FNBP1: variants seen among roughly 807,000 people sequenced by gnomAD.
FNBP1 encodes formin binding protein 1, also known as formin-binding protein 1.
FNBP1 carries 26 observed loss-of-function variants against 90.6 expected under a neutral mutation model. That is an observed-to-expected ratio of 0.29 (90% confidence interval 0.21 to 0.40). The LOEUF (loss-of-function observed/expected upper bound fraction) is 0.40. FNBP1 is among the 10% of genes least tolerant of loss of function. The pLI is 1.00. For missense variants in FNBP1, 635 were observed against 768.0 expected (o/e 0.83, Z 2.05); for synonymous variants, 260 against 265.2 (o/e 0.98, Z 0.19).
chr9:129,898,852 G>C (rs893927848), intron 15 of FNBP1, among the ~76,000 whole-genome samples: 5 of 151,830 alleles, frequency 3.3e-5, no homozygotes, highest in Non-Finnish European at 5.9e-5. Flanking sequence ...CATACGACCT[G>C]CATCCCCCCA....
intron 1 of FNBP1, among the ~76,000 whole-genome samples, chr9:130,022,353 C>T (rs1296410414): frequency 6.6e-6 from 1 of 151,738 alleles, no homozygotes; most frequent in Admixed American, 6.6e-5. Context: ...TACAGGCACG[C>T]GCCAAGATGC....
In FNBP1 at chr9:129,944,377, C is replaced by T. The variant is rs560936798; in HGVS notation, c.513+12983G>A. Among the ~76,000 whole-genome samples, 8 of 151,896 alleles carry T rather than the reference C, an allele frequency of 5.3e-5. No individual in the cohort carries two copies. In the South Asian group the frequency reaches 1.5e-3, roughly 28 times the overall value. Reference sequence around the variant, plus strand: ...CCAACCTGGAGAAACCCTGTCTCTACTAAAAATACAAAAATTAGCTGGGCG... The same window carrying T: ...CCAACCTGGAGAAACCCTGTCTCTATTAAAAATACAAAAATTAGCTGGGCG... On this transcript the variant is annotated intron_variant, in intron 6 of 16. Coordinates refer to ENST00000446176, the MANE Select transcript of FNBP1 (RefSeq NM_015033.3).
At chr9:130,016,292 CTT>C (rs961463939) in intron 1 of FNBP1, among the ~76,000 whole-genome samples, 1 of 152,064 alleles carries the variant, frequency 6.6e-6, no homozygotes, top group African/African-American at 2.4e-5. Flanking sequence ...GATTAGTGCC[CTT>C]TTAATACTCC....
At position 130,031,715 on chromosome 9, in the gene FNBP1, G is replaced by A. The variant is rs934704361; in HGVS notation, c.24+11237C>T. The stretch of plus-strand genomic sequence containing the variant: ...CTCGCTCTGTTGCCCAGGCTGGAGT[G>A]CAGTGGCACAATCTCAGTTCACTGC... On this transcript the variant is annotated intron_variant, in intron 1 of 16. Coordinates refer to ENST00000446176, the MANE Select transcript of FNBP1 (RefSeq NM_015033.3). This position sits in a 1 kb window ranked among gnomAD's most constrained non-coding sequence, Gnocchi z 4.2. Among the ~76,000 whole-genome samples the A allele has an allele frequency of 6.6e-6, 1 of 151,982 alleles. No individual in the cohort carries two copies. Among genetic ancestry groups the A allele is most frequent in the African/African-American group, 2.4e-5 (1 of 41,364 alleles).
intron 2 of FNBP1, among the ~76,000 whole-genome samples, chr9:129,990,446 C>T (rs573657985): frequency 2.0e-4 from 30 of 152,068 alleles, no homozygotes; most frequent in African/African-American, 6.7e-4. Context: ...GAAGGGCTAG[C>T]GCAATAGCTC....
intron 1 of FNBP1, among the ~76,000 whole-genome samples, chr9:129,996,580 G>A (rs1189310417): frequency 6.6e-6 from 1 of 152,190 alleles, no homozygotes; most frequent in Admixed American, 6.6e-5. Flanking sequence ...TCAGTCATGA[G>A]GATCATGCGA....
chr9:129,888,193 A>C lies in FNBP1; in HGVS notation c.*2346T>G, dbSNP rs1044507103. On this transcript the variant is annotated 3_prime_UTR_variant, in exon 17 of 17. Transcript: ENST00000446176. Reference sequence around the variant, plus strand: ...CAAAGAGCAAATTACTGCAGCTTATATCTTTTCCACTATGTTGCAAGAAAT... The same window carrying C: ...CAAAGAGCAAATTACTGCAGCTTATCTCTTTTCCACTATGTTGCAAGAAAT... The C allele has an allele frequency of 3.4e-5, 8 of 232,818 alleles. No individual in the cohort carries two copies. The highest frequency in any genetic ancestry group is 1.8e-4 in the African/African-American group (8 of 45,334). The allele number at this position is 232,818 out of a possible 1,614,324, so 14.4% of individuals were successfully genotyped here.
chr9:129,964,374 G>A (rs2048267397), intron 4 of FNBP1, among the ~76,000 whole-genome samples: 1 of 152,134 alleles, frequency 6.6e-6, no homozygotes, highest in African/African-American at 2.4e-5. Context: ...CCAGAGAAAT[G>A]CTTCTTACTT....
At chr9:130,037,502 C>G (rs2059423878) in intron 1 of FNBP1, among the ~76,000 whole-genome samples, 1 of 152,048 alleles carries the variant, frequency 6.6e-6, no homozygotes, top group Non-Finnish European at 1.5e-5. Flanking sequence ...GATTAAAAAA[C>G]TAGTTTAAAA....
At chr9:129,981,046 G>A (rs1287861332) in intron 2 of FNBP1, among the ~76,000 whole-genome samples, 6 of 40,014 alleles carry the variant, frequency 1.5e-4, no homozygotes, top group East Asian at 1.8e-3. Flanking sequence ...GCGAGACTCC[G>A]TCTCAAAAAA....
At chr9:130,046,724 C>G (rs7869493), upstream of FNBP1, among the ~76,000 whole-genome samples, 8,337 of 147,626 alleles carry the variant, frequency 0.056, 276 homozygotes, top group Middle Eastern at 0.085. Flanking sequence ...GCTAAGATCG[C>G]GCCACTACAC....
At chr9:130,029,782 A>C (rs1431845332) in intron 1 of FNBP1, among the ~76,000 whole-genome samples, 1 of 151,920 alleles carries the variant, frequency 6.6e-6, no homozygotes, top group African/African-American at 2.4e-5. Flanking sequence ...TCAGGAGTTC[A>C]AGACCAGCCT....
chr9:129,968,761 C>T (rs1026315466), intron 4 of FNBP1, among the ~76,000 whole-genome samples: 5 of 152,166 alleles, frequency 3.3e-5, no homozygotes, highest in Non-Finnish European at 5.9e-5. Context: ...GGTTTATAAA[C>T]ATTTTAGTGA....
intron 1 of FNBP1, among the ~76,000 whole-genome samples, chr9:130,040,562 A>G (rs1589443525): frequency 6.6e-6 from 1 of 150,748 alleles, no homozygotes; most frequent in East Asian, 2.0e-4. Context: ...CAGAGGCTGC[A>G]GTGAGCCGAG....
rs576015094 is a variant in FNBP1 at position 129,925,589 on chromosome 9, C to CTTTTTTT, written c.790-439_790-433dup. On this transcript the variant is annotated intron_variant, in intron 8 of 16. Coordinates refer to ENST00000446176, the MANE Select transcript of FNBP1 (RefSeq NM_015033.3). ...TTGATAATAACTTTTTTCCTAGTAG[C>CTTTTTTT]TTTTTTTTTTTTTTTTTTTTTTTTG... Among the ~76,000 whole-genome samples, 32 of 67,124 alleles carry CTTTTTTT rather than the reference C, an allele frequency of 4.8e-4. 2 individuals are homozygous for CTTTTTTT. Among genetic ancestry groups the CTTTTTTT allele is most frequent in the African/African-American group, 9.8e-4 (17 of 17,360 alleles). The allele number at this position is 67,124 out of a possible 152,430, so 44.0% of individuals were successfully genotyped here.
intron 1 of FNBP1, among the ~76,000 whole-genome samples, chr9:130,016,230 G>A (rs1482693044): frequency 1.3e-5 from 2 of 152,136 alleles, no homozygotes; most frequent in African/African-American, 4.8e-5. Flanking sequence ...GTACCTGGAG[G>A]TGGGCCCTTT....
intron 1 of FNBP1, among the ~76,000 whole-genome samples, chr9:130,032,107 A>G (rs987544122): frequency 2.0e-5 from 3 of 152,050 alleles, no homozygotes; most frequent in African/African-American, 7.2e-5. Flanking sequence ...TCACACGTAC[A>G]CCTTACTTTT....
At chr9:130,043,226 G>A (rs1463357510), upstream of FNBP1, 10 of 330,578 alleles carry the variant, frequency 3.0e-5, no homozygotes, top group Non-Finnish European at 4.4e-5. Flanking sequence ...CACCCGGAGA[G>A]CGGGGGAGGG....
At chr9:130,021,087 C>T (rs1295700305) in intron 1 of FNBP1, among the ~76,000 whole-genome samples, 1 of 152,122 alleles carries the variant, frequency 6.6e-6, no homozygotes, top group Non-Finnish European at 1.5e-5. Context: ...CCAAGTACTT[C>T]TGATATAGGA....
Sources: gnomAD v4.1 joint callset for allele counts (sites outside exome capture counted in the v4.1 genomes callset) on GRCh38, gnomAD v4.1.1 for gene constraint, Gnocchi (gnomAD v3.1) non-coding constraint, MANE v1.5 for transcripts, NCBI Gene and HGNC (gene_info 2026-07-23, HGNC 2026-07-21) for gene names.